The following DNAH10 variants were observed in gnomAD, a reference collection of about 807,000 sequenced individuals.
DNAH10 encodes the protein axonemal beta dynein heavy chain 10.
A neutral mutation model predicts 506.6 loss-of-function variants in DNAH10; 348 were observed. The ratio of observed to expected loss-of-function variants is 0.69; its 90% CI spans 0.63 to 0.75. The LOEUF is 0.75. Ranked by LOEUF, DNAH10 falls within the 30% of genes least tolerant of loss-of-function variation. The pLI is 0.00. For synonymous variants in DNAH10, 2,059 were observed against 2,198.6 expected (o/e 0.94, Z 1.78); for missense variants, 5,179 against 5,787.1 (o/e 0.89, Z 3.41).
intron 54 of DNAH10, among the ~76,000 whole-genome samples, chr12:123,895,260 A>G (rs1322931332): frequency 1.3e-5 from 2 of 152,216 alleles, no homozygotes; most frequent in Non-Finnish European, 2.9e-5. Context: ...ATTAATTTTA[A>G]TGTTTGAATA....
In DNAH10 at chr12:123,787,484, C is replaced by T. The variant is rs1454772574; in HGVS notation, c.1422-320C>T. ...CCCAAATGGAGGCATTGTCCTGCGC[C>T]GTGTTGCAGCTGCCGCTGTTGACCT... On this transcript the variant is annotated intron_variant, in intron 9 of 78. Transcript: ENST00000673944. The surrounding 1 kb of genome is among the most constrained non-coding windows in gnomAD (Gnocchi z 4.6). 1.3e-5 allele frequency among the ~76,000 whole-genome samples: 2 copies of T among 152,248 alleles called. No individual in the cohort carries two copies. The highest frequency in any genetic ancestry group is 4.8e-5 in the African/African-American group (2 of 41,468).
Position 123,926,315 on chromosome 12 carries a change from A to G in DNAH10, c.11922-322A>G. ...TCAAAACTCAAGATGTGGACCATTC[A>G]GGACACGCCTGTGGAACCTCAGGGT... On this transcript the variant is annotated intron_variant, in intron 68 of 78. Transcript: ENST00000673944. This position sits in a 1 kb window ranked among gnomAD's most constrained non-coding sequence, Gnocchi z 4.1. The G allele has an allele frequency of 3.1e-6, 1 of 322,922 alleles. No homozygotes were observed. The highest frequency in any genetic ancestry group is 5.6e-6 in the Non-Finnish European group (1 of 180,152). The allele number at this position is 322,922 out of a possible 1,614,324, so 20.0% of individuals were successfully genotyped here. A position where few individuals can be genotyped will look rare whatever the true frequency, so the allele number is the denominator to read the frequency against.
chr12:123,915,282 T>C (rs1954424897), intron 62 of DNAH10, among the ~76,000 whole-genome samples: 1 of 152,062 alleles, frequency 6.6e-6, no homozygotes, highest in Admixed American at 6.5e-5. Context: ...GTGGTCTGGG[T>C]GCTCAGTCAC....
At chr12:123,887,934 C>T (rs4390427) in intron 52 of DNAH10, among the ~76,000 whole-genome samples, 70,927 of 151,800 alleles carry the variant, frequency 0.47, 16,763 homozygotes, top group African/African-American at 0.5. Flanking sequence ...TCAGTAGAGA[C>T]GGGGTTTCAC....
At chr12:123,792,944 T>C (rs1388338953) in intron 11 of DNAH10, among the ~76,000 whole-genome samples, 1 of 152,216 alleles carries the variant, frequency 6.6e-6, no homozygotes, top group African/African-American at 2.4e-5. Flanking sequence ...GACATATATT[T>C]TGTGAGTCTT....
intron 72 of DNAH10, chr12:123,930,100 C>G (rs1174822572): frequency 1.9e-6 from 1 of 517,934 alleles, no homozygotes; most frequent in African/African-American, 1.9e-5. Context: ...ACAGAAGCAG[C>G]TGCTGGCTTC....
At chr12:123,875,889 G>A (rs983895708) in intron 47 of DNAH10, among the ~76,000 whole-genome samples, 2 of 152,246 alleles carry the variant, frequency 1.3e-5, no homozygotes, top group Non-Finnish European at 1.5e-5. Flanking sequence ...CATTTGGAGC[G>A]GGGAGATCAT....
intron 14 of DNAH10, among the ~76,000 whole-genome samples, chr12:123,799,916 G>T (rs1419188201): frequency 1.3e-5 from 2 of 152,178 alleles, no homozygotes; most frequent in African/African-American, 4.8e-5. Context: ...TAGGGAACAG[G>T]TGGGCTCAGA....
rs144480815 is a variant in DNAH10 at position 123,777,292 on chromosome 12, G to C, written c.621+3028G>C. Among the ~76,000 whole-genome samples the C allele has an allele frequency of 1.3e-3, 203 of 152,354 alleles. 2 individuals carry two copies. The East Asian group carries it at 0.036, about 27-fold the overall frequency. On this transcript the variant is annotated intron_variant, in intron 5 of 78. Coordinates refer to ENST00000673944, the MANE Select transcript of DNAH10 (RefSeq NM_001372106.1). ...TAGAGATGGAAGAGATGAGGGGAGA[G>C]GAAAGTTAGGACGTGGGTGATCCAG...
At chr12:123,807,806 G>A (rs1254734986) in intron 18 of DNAH10, among the ~76,000 whole-genome samples, 1 of 131,620 alleles carries the variant, frequency 7.6e-6, no homozygotes, top group Non-Finnish European at 1.6e-5. Flanking sequence ...CAGAGGGGGA[G>A]AGAGAGAGAG....
At position 123,933,870 on chromosome 12, in the gene DNAH10, G is replaced by A. The variant is rs572961536; in HGVS notation, c.13477+359G>A. ...CCCTGACGGGGCCAGGGGCATGGGA[G>A]CCACAGAGCAGCATGGACTAACTTG... On this transcript the variant is annotated intron_variant, in intron 77 of 78. Coordinates refer to ENST00000673944, the MANE Select transcript of DNAH10 (RefSeq NM_001372106.1). Among the ~76,000 whole-genome samples the A allele has an allele frequency of 4.6e-5, 7 of 152,344 alleles. No individual in the cohort carries two copies. The South Asian group carries it at 1.5e-3, about 32-fold the overall frequency.
In DNAH10 at chr12:123,929,686, C is replaced by T. The variant is rs749728697; in HGVS notation, c.12539C>T (p.Thr4180Met). 9.3e-6 allele frequency: 15 copies of T among 1,613,320 alleles called. No individual in the cohort carries two copies. Among genetic ancestry groups the T allele is most frequent in the African/African-American group, 6.7e-5 (5 of 74,918 alleles). Residue 4180 changes from threonine to methionine, a missense_variant, in exon 72 of 79, where the codon ACG becomes ATG. Coordinates refer to ENST00000673944, the MANE Select transcript of DNAH10 (RefSeq NM_001372106.1). ...DFQVCMEILN[T>M]YLTKAFQQRD... The stretch of plus-strand genomic sequence containing the variant: ...AAGGTCTGCATGGAAATTCTGAACA[C>T]GTACTTAACGAAAGCCTTCCAGCAA...
Position 123,917,709 on chromosome 12 carries a change from C to T in DNAH10, c.11128C>T (p.Leu3710=). The T allele has an allele frequency of 6.4e-7, 1 of 1,561,276 alleles. No individual in the cohort carries two copies. Among genetic ancestry groups the T allele is most frequent in the Admixed American group, 1.9e-5 (1 of 52,158 alleles). ...CGAGAACAAGAACCTGCTCAAGGAC[C>T]TGGAAGATTCCCTCCTTCGGGAGCT... is the stretch of plus-strand genomic sequence containing the variant. ...TSENKNLLKD[L]EDSLLRELAT... Residue 3710 remains leucine, a synonymous_variant, in exon 64 of 79, where the codon CTG becomes TTG. Coordinates refer to ENST00000673944, the MANE Select transcript of DNAH10 (RefSeq NM_001372106.1). This position sits in a 1 kb window ranked among gnomAD's most constrained non-coding sequence, Gnocchi z 5.6.
At position 123,835,535 on chromosome 12, in the gene DNAH10, G is replaced by A; in HGVS notation, c.4902+7G>A. The A allele has an allele frequency of 6.2e-7, 1 of 1,604,862 alleles. No homozygotes were observed. ...CGATAAAGTATTTAAAAGGGCAAGTGACTCGCTTCTATTTTAGTAATGAAA... is the reference window on the plus strand; with the variant it reads ...CGATAAAGTATTTAAAAGGGCAAGTAACTCGCTTCTATTTTAGTAATGAAA... On this transcript the variant is annotated splice_region_variant and intron_variant, in intron 28 of 78. Coordinates refer to ENST00000673944, the MANE Select transcript of DNAH10 (RefSeq NM_001372106.1).
At chr12:123,895,467 C>T (rs7314278) in intron 54 of DNAH10, among the ~76,000 whole-genome samples, 62,236 of 152,002 alleles carry the variant, frequency 0.41, 13,693 homozygotes, top group African/African-American at 0.59. Context: ...GAAAAGGGGC[C>T]AAGAGAATGA....
rs1347853751 is a variant in DNAH10 at position 123,850,959 on chromosome 12, C to T, written c.6174C>T (p.Gly2058=). 3 of 1,614,076 alleles carry T rather than the reference C, an allele frequency of 1.9e-6. No individual in the cohort carries two copies. In the East Asian group the frequency reaches 6.7e-5, roughly 36 times the overall value. Residue 2058 remains glycine (G), a synonymous_variant, in exon 35 of 79, where the codon GGC becomes GGT. Transcript: ENST00000673944. The surrounding 1 kb of genome is among the most constrained non-coding windows in gnomAD (Gnocchi z 5.5). ...IFITMNPGYA[G]RTELPESVKA... ...TCACCATGAACCCCGGCTACGCAGG[C>T]CGCACGGAGCTGCCCGAGTCGGTGA...
intron 32 of DNAH10, among the ~76,000 whole-genome samples, 194 bp from the exon 33 acceptor site, chr12:123,847,767 A>G (rs1951016571): frequency 6.6e-6 from 1 of 152,120 alleles, no homozygotes; most frequent in Admixed American, 6.5e-5. Flanking sequence ...CCTGAAACAC[A>G]CTCATGGACA....
rs1374493776 is a variant in DNAH10, at chr12:123,902,644, G to A, written c.9641-295G>A. On this transcript the variant is annotated intron_variant, in intron 56 of 78. Transcript: ENST00000673944. This position sits in a 1 kb window ranked among gnomAD's most constrained non-coding sequence, Gnocchi z 4.5. ...AGCATCCTCACTGAACACCGGCGAG[G>A]CAGGGCTGGGGGCTATCAGGAGCCA... Among the ~76,000 whole-genome samples, 2 of 152,216 alleles carry A rather than the reference G, an allele frequency of 1.3e-5. No homozygotes were observed. Among genetic ancestry groups the A allele is most frequent in the African/African-American group, 2.4e-5 (1 of 41,470 alleles).
chr12:123,840,685 G>A (rs1293213168), intron 29 of DNAH10, among the ~76,000 whole-genome samples: 1 of 152,080 alleles, frequency 6.6e-6, no homozygotes, highest in Non-Finnish European at 1.5e-5. Context: ...TTTAAAGCCT[G>A]TTTGTTGCCT....
Sources: allele counts gnomAD v4.1 joint callset (sites outside exome capture counted in the v4.1 genomes callset), GRCh38; gene constraint gnomAD v4.1.1; non-coding constraint Gnocchi (gnomAD v3.1); transcripts MANE v1.5; gene names NCBI Gene and HGNC (gene_info 2026-07-23, HGNC 2026-07-21).